Variants in TANC2 observed in about 807,000 individuals in gnomAD.
TANC2 encodes protein TANC2.
TANC2 carries 26 observed loss-of-function variants against 210.5 expected under a neutral mutation model. That is an observed-to-expected ratio of 0.12 (90% CI 0.09 to 0.17). TANC2 has a LOEUF of 0.17. TANC2 is among the 10% of genes least tolerant of loss of function. The pLI is 1.00. For missense variants in TANC2, 2,129 were observed against 2,608.9 expected (o/e 0.82, Z 4.01); for synonymous variants, 931 against 967.1 (o/e 0.96, Z 0.69).
intron 7 of TANC2, among the ~76,000 whole-genome samples, chr17:63,220,244 A>G (rs1371597463): frequency 6.6e-6 from 1 of 151,890 alleles, no homozygotes; most frequent in African/African-American, 2.4e-5. Context: ...GCAGGGAGCC[A>G]AGATCGTGCC....
intron 8 of TANC2, among the ~76,000 whole-genome samples, chr17:63,266,469 G>GCC (rs2043530243): frequency 1.3e-5 from 2 of 152,152 alleles, no homozygotes; most frequent in Non-Finnish European, 2.9e-5. Flanking sequence ...TGAGGTTGGA[G>GCC]ATGTAAGTTT....
chr17:63,094,225 G>A (rs763158555), intron 3 of TANC2, among the ~76,000 whole-genome samples: 8 of 151,626 alleles, frequency 5.3e-5, no homozygotes, highest in Admixed American at 2.0e-4. Flanking sequence ...TCCTATACTC[G>A]TTGTTAAACT....
chr17:63,245,472 A>T (rs375571930), intron 8 of TANC2, among the ~76,000 whole-genome samples: 1 of 152,004 alleles, frequency 6.6e-6, no homozygotes, highest in East Asian at 1.9e-4. Flanking sequence ...CTTTGGGAGG[A>T]CAAGGTGGGT....
intron 3 of TANC2, among the ~76,000 whole-genome samples, chr17:63,098,564 C>A (rs1452661705): frequency 7.2e-6 from 1 of 139,092 alleles, no homozygotes. Flanking sequence ...TAATTTTATA[C>A]CATATGTTTA....
intron 2 of TANC2, among the ~76,000 whole-genome samples, chr17:63,039,450 A>C (rs947039904): frequency 2.0e-5 from 3 of 152,188 alleles, no homozygotes; most frequent in Admixed American, 6.5e-5. Context: ...ATTAAGTTGC[A>C]GGCTGCAGCT....
intron 2 of TANC2, among the ~76,000 whole-genome samples, chr17:63,013,103 C>T (rs1305635410): frequency 6.7e-6 from 1 of 148,598 alleles, no homozygotes; most frequent in African/African-American, 2.5e-5. Context: ...CTTTGTTTTC[C>T]GGGTTGAAGT....
chr17:63,337,474 A>C lies in TANC2; in HGVS notation c.1576-2627A>C, dbSNP rs143935850. Among the ~76,000 whole-genome samples the C allele has an allele frequency of 5.8e-3, 888 of 152,052 alleles. 7 individuals carry two copies. Among genetic ancestry groups the C allele is most frequent in the African/African-American group, 0.021 (851 of 41,512 alleles). On this transcript the variant is annotated intron_variant, in intron 11 of 27. Coordinates refer to ENST00000689528, the Ensembl canonical transcript of TANC2. The stretch of plus-strand genomic sequence containing the variant: ...TCTATATAGATAACTATATATTTTA[A>C]TAATAAAAACTATCTTTTCCATTTA...
At chr17:63,197,539 C>G (rs569246383) in intron 6 of TANC2, 1 of 152,188 alleles carries the variant, frequency 6.6e-6, no homozygotes, top group East Asian at 1.9e-4. Flanking sequence ...ATGATATTCT[C>G]AAAATAGTAA....
intron 1 of TANC2, among the ~76,000 whole-genome samples, chr17:63,000,036 G>C (rs1298605592): frequency 6.6e-6 from 1 of 152,128 alleles, no homozygotes; most frequent in Non-Finnish European, 1.5e-5. Context: ...CACTGAGCAC[G>C]CATGGACACA....
At chr17:63,211,434 A>T (rs1443187168) in intron 7 of TANC2, among the ~76,000 whole-genome samples, 1 of 151,652 alleles carries the variant, frequency 6.6e-6, no homozygotes, top group South Asian at 2.1e-4. Context: ...GATTTTGTTC[A>T]TAATGATCAT....
chr17:63,170,434 TAAA>T (rs761783557), intron 5 of TANC2, among the ~76,000 whole-genome samples: 77 of 133,182 alleles, frequency 5.8e-4, no homozygotes, highest in African/African-American at 2.1e-3. Flanking sequence ...AGATTCCATT[TAAA>T]AAAAAAAAAA....
chr17:63,102,558 G>A (rs968399601), intron 4 of TANC2, among the ~76,000 whole-genome samples: 3 of 151,706 alleles, frequency 2.0e-5, no homozygotes, highest in Admixed American at 6.6e-5. Context: ...CGCCATGTTG[G>A]TGTGCTGCAC....
intron 7 of TANC2, among the ~76,000 whole-genome samples, chr17:63,222,746 C>CAT (rs765792141): frequency 2.6e-5 from 4 of 151,758 alleles, no homozygotes; most frequent in Non-Finnish European, 5.9e-5. Context: ...CACACACACA[C>CAT]ACATACACAC....
intron 10 of TANC2, 73 bp downstream of exon 10, chr17:63,314,742 G>C: frequency 6.5e-7 from 1 of 1,530,312 alleles, no homozygotes; most frequent in Non-Finnish European, 8.8e-7. Context: ...ATATTAGGTC[G>C]TATATCCTTT....
intron 14 of TANC2, among the ~76,000 whole-genome samples, chr17:63,378,098 A>G (rs1194687967): frequency 1.3e-5 from 2 of 152,200 alleles, no homozygotes; most frequent in Non-Finnish European, 2.9e-5. Context: ...AAAGCATATC[A>G]GCCATAGAGA....
intron 5 of TANC2, among the ~76,000 whole-genome samples, chr17:63,184,783 A>G (rs573873093): frequency 6.6e-6 from 1 of 151,464 alleles, no homozygotes; most frequent in Non-Finnish European, 1.5e-5. Context: ...CCTCCCGAGT[A>G]GCTGGGATTA....
chr17:63,039,256 C>T (rs576022491), intron 2 of TANC2, among the ~76,000 whole-genome samples: 1 of 152,040 alleles, frequency 6.6e-6, no homozygotes, highest in Non-Finnish European at 1.5e-5. Context: ...ATACATTTCT[C>T]TTTTGGTGAT....
chr17:63,296,215 C>A (rs138558942), intron 9 of TANC2, among the ~76,000 whole-genome samples: 206 of 152,144 alleles, frequency 1.4e-3, no homozygotes, highest in Non-Finnish European at 2.2e-3. Flanking sequence ...GGAATCTAAT[C>A]AAAACTTAAA....
intron 11 of TANC2, among the ~76,000 whole-genome samples, chr17:63,328,628 G>A (rs1297526870): frequency 6.6e-6 from 1 of 151,726 alleles, no homozygotes; most frequent in Non-Finnish European, 1.5e-5. Flanking sequence ...ACCAGAGACT[G>A]GGAGTGTGAA....
Sources: gnomAD v4.1 joint callset for allele counts (sites outside exome capture counted in the v4.1 genomes callset) on GRCh38, gnomAD v4.1.1 for gene constraint, MANE v1.5 for transcripts, NCBI Gene and HGNC (gene_info 2026-07-23, HGNC 2026-07-21) for gene names.